Variants in RAB27B observed in about 807,000 individuals in gnomAD.
The protein encoded by RAB27B is ras-related protein Rab-27B.
A neutral mutation model predicts 24.6 loss-of-function variants in RAB27B; 15 were observed. That is an observed-to-expected ratio of 0.61 (90% CI 0.41 to 0.94). The LOEUF (loss-of-function observed/expected upper bound fraction) is 0.94. Ranked by LOEUF, RAB27B falls within the 40% of genes least tolerant of loss-of-function variation. The probability of loss-of-function intolerance (pLI) is 0.00; values close to 1 mark genes in which losing one functional copy is unlikely to be tolerated. For missense variants in RAB27B, 261 were observed against 266.8 expected (o/e 0.98, Z 0.15); for synonymous variants, 105 against 92.5 (o/e 1.14, Z -0.78).
At chr18:54,720,558 T>C (rs1909328060) in intron 2 of RAB27B, among the ~76,000 whole-genome samples, 1 of 152,130 alleles carries the variant, frequency 6.6e-6, no homozygotes, top group South Asian at 2.1e-4. Context: ...ATATAGCATT[T>C]ACAGTACTAA....
chr18:54,721,432 C>T (rs1278369523), intron 2 of RAB27B, among the ~76,000 whole-genome samples: 1 of 152,120 alleles, frequency 6.6e-6, no homozygotes, highest in East Asian at 1.9e-4. Context: ...GTTTAAATTG[C>T]AAATAAGATT....
intron 2 of RAB27B, chr18:54,745,074 C>A: frequency 5.8e-6 from 1 of 172,914 alleles, no homozygotes; most frequent in East Asian, 1.8e-4. Context: ...AACCTTCCCG[C>A]ACCAGATCCA....
rs374459266 is a variant in RAB27B at position 54,839,354 on chromosome 18, T to C, written c.-20+10654T>C. ...CTGCTTTCTCTTTGGAATAAGTTTT[T>C]ACATATAACTTGCTAAGATTACAAG... On this transcript the variant is annotated intron_variant, in intron 1 of 5. Transcript: ENST00000262094. Among the ~76,000 whole-genome samples, 199 of 152,308 alleles carry C rather than the reference T, an allele frequency of 1.3e-3. 5 individuals carry two copies. In the South Asian group the frequency reaches 0.035, roughly 27 times the overall value.
chr18:54,772,817 A>T (rs922479454), intron 2 of RAB27B, among the ~76,000 whole-genome samples: 3 of 152,218 alleles, frequency 2.0e-5, no homozygotes, highest in Admixed American at 1.3e-4. Context: ...TATGGTGATT[A>T]TACCTACCTT....
At position 54,724,960 on chromosome 18, in the gene RAB27B, A is replaced by C. The variant is rs78900530; in HGVS notation, c.-20+6819A>C. 2.7e-3 allele frequency among the ~76,000 whole-genome samples: 417 copies of C among 151,670 alleles called. 9 individuals are homozygous for C. Among genetic ancestry groups the C allele is most frequent in the African/African-American group, 9.4e-3 (390 of 41,454 alleles). On this transcript the variant is annotated intron_variant, in intron 2 of 4. Coordinates refer to the RAB27B transcript ENST00000586570. ...TTTGAATGCTATTACATGAAAGAGGAATGAGACTTGTACTTTAGGGCGCAG... is the reference window on the plus strand; with the variant it reads ...TTTGAATGCTATTACATGAAAGAGGCATGAGACTTGTACTTTAGGGCGCAG...
chr18:54,767,138 T>G (rs11664309), intron 2 of RAB27B, among the ~76,000 whole-genome samples: 4,273 of 152,306 alleles, frequency 0.028, 74 homozygotes, highest in Middle Eastern at 0.092. Context: ...AGATTTTCCT[T>G]TCTTTTATCT....
At chr18:54,768,766 G>A (rs1482928229) in intron 2 of RAB27B, among the ~76,000 whole-genome samples, 3 of 152,134 alleles carry the variant, frequency 2.0e-5, no homozygotes, top group Admixed American at 6.6e-5. Flanking sequence ...GTACCAGGAC[G>A]AAGTGAGTAC....
intron 5 of RAB27B, among the ~76,000 whole-genome samples, 195 bp from the exon 6 acceptor site, chr18:54,889,029 C>G (rs1913257695): frequency 6.6e-6 from 1 of 152,060 alleles, no homozygotes; most frequent in South Asian, 2.1e-4. Flanking sequence ...TGGTTGTAAT[C>G]ATACTAAAGA....
intron 2 of RAB27B, among the ~76,000 whole-genome samples, chr18:54,769,402 T>A (rs1403272508): frequency 1.3e-5 from 2 of 152,164 alleles, no homozygotes; most frequent in Non-Finnish European, 2.9e-5. Flanking sequence ...CTTCACCATT[T>A]CAATTTGATC....
At chr18:54,820,711 T>C (rs1910281794) in intron 2 of RAB27B, among the ~76,000 whole-genome samples, 1 of 152,220 alleles carries the variant, frequency 6.6e-6, no homozygotes, top group Non-Finnish European at 1.5e-5. Context: ...TCCTGAATGG[T>C]ATTGCCTGGG....
chr18:54,867,117 T>C (rs2145250251), intron 1 of RAB27B, among the ~76,000 whole-genome samples: 1 of 152,338 alleles, frequency 6.6e-6, no homozygotes, highest in Middle Eastern at 3.4e-3. Context: ...GGAGCCCACT[T>C]TCTTTGGTTT....
intron 2 of RAB27B, among the ~76,000 whole-genome samples, chr18:54,819,305 AAAAT>A (rs1278867844): frequency 2.0e-5 from 3 of 148,370 alleles, no homozygotes; most frequent in Non-Finnish European, 1.5e-5. Context: ...AATATAATAA[AAAAT>A]AAAAAATAAT....
chr18:54,871,370 C>G (rs986305255), intron 1 of RAB27B, among the ~76,000 whole-genome samples: 2 of 152,152 alleles, frequency 1.3e-5, no homozygotes, highest in African/African-American at 4.8e-5. Context: ...GGGAACCACC[C>G]TGAGGCTATC....
At chr18:54,871,564 T>C (rs1912464733) in intron 1 of RAB27B, among the ~76,000 whole-genome samples, 1 of 152,182 alleles carries the variant, frequency 6.6e-6, no homozygotes, top group African/African-American at 2.4e-5. Flanking sequence ...GCTGATACCT[T>C]ATCTGCCTAA....
intron 4 of RAB27B, among the ~76,000 whole-genome samples, chr18:54,886,898 A>G (rs1486050163): frequency 5.3e-5 from 8 of 151,954 alleles, no homozygotes; most frequent in Admixed American, 2.0e-4. Context: ...TATGATAGAC[A>G]TTAGAGCAGC....
chr18:54,886,459 T>A (rs950228635), intron 4 of RAB27B, among the ~76,000 whole-genome samples: 1 of 152,142 alleles, frequency 6.6e-6, no homozygotes, highest in Non-Finnish European at 1.5e-5. Flanking sequence ...TAATTCATGA[T>A]TATATATAAT....
chr18:54,769,454 T>C (rs1426067703), intron 2 of RAB27B, among the ~76,000 whole-genome samples: 1 of 43,916 alleles, frequency 2.3e-5, no homozygotes, highest in East Asian at 1.1e-3. Context: ...ATCTTGTTTT[T>C]TTGTTGTTGT....
chr18:54,720,465 T>C (rs1438311305), intron 2 of RAB27B, among the ~76,000 whole-genome samples: 2 of 152,044 alleles, frequency 1.3e-5, no homozygotes, highest in African/African-American at 4.8e-5. Flanking sequence ...AGACAGACAA[T>C]ATTCCCTAAC....
chr18:54,855,342 G>A (rs1456940045), intron 1 of RAB27B, among the ~76,000 whole-genome samples: 1 of 152,112 alleles, frequency 6.6e-6, no homozygotes, highest in Admixed American at 6.5e-5. Flanking sequence ...CTGACCAATG[G>A]GACCATGCCA....
Sources: allele counts gnomAD v4.1 joint callset (sites outside exome capture counted in the v4.1 genomes callset), GRCh38; gene constraint gnomAD v4.1.1; transcripts MANE v1.5; gene names NCBI Gene and HGNC (gene_info 2026-07-23, HGNC 2026-07-21).